Variants in ELOVL5 observed in about 807,000 individuals in gnomAD.
The protein encoded by ELOVL5 is very long chain fatty acid elongase 5.
In ELOVL5, 8 loss-of-function variants were observed where a neutral mutation model predicts 38.6. That is an observed-to-expected ratio of 0.21 (90% confidence interval 0.12 to 0.37). ELOVL5 has a LOEUF of 0.37. ELOVL5 is among the 10% of genes least tolerant of loss of function. The probability of loss-of-function intolerance (pLI) is 1.00; values close to 1 mark genes in which losing one functional copy is unlikely to be tolerated. For synonymous variants in ELOVL5, 127 were observed against 133.7 expected (o/e 0.95, Z 0.34); for missense variants, 280 against 367.8 (o/e 0.76, Z 1.95).
At chr6:53,289,326 C>T (rs1219838665) in intron 3 of ELOVL5, among the ~76,000 whole-genome samples, 1 of 152,170 alleles carries the variant, frequency 6.6e-6, no homozygotes, top group Non-Finnish European at 1.5e-5. Flanking sequence ...AAATGAGGGG[C>T]CCCATGGGGC....
At chr6:53,329,660 C>T (rs1768701725) in intron 1 of ELOVL5, among the ~76,000 whole-genome samples, 1 of 152,028 alleles carries the variant, frequency 6.6e-6, no homozygotes, top group Non-Finnish European at 1.5e-5. Context: ...CCCGTCTCTA[C>T]TAAAAATAGA....
At chr6:53,312,336 A>G (rs768027383) in intron 1 of ELOVL5, among the ~76,000 whole-genome samples, 3 of 152,244 alleles carry the variant, frequency 2.0e-5, no homozygotes, top group Non-Finnish European at 4.4e-5. Flanking sequence ...AAACCATGGT[A>G]TATCCACACC....
intron 3 of ELOVL5, among the ~76,000 whole-genome samples, chr6:53,281,929 CT>C (rs1342951299): frequency 1.3e-5 from 2 of 151,868 alleles, no homozygotes; most frequent in East Asian, 1.9e-4. Flanking sequence ...CTTGAGAAGT[CT>C]TTAAAACAAA....
At chr6:53,295,805 T>C in intron 1 of ELOVL5, 98 bp from the exon 2 acceptor site, 1 of 750,200 alleles carries the variant, frequency 1.3e-6, no homozygotes, top group Non-Finnish European at 2.1e-6. Context: ...AAGAATATGC[T>C]ACAGACAAGG....
At chr6:53,330,768 T>C (rs1387813276) in intron 1 of ELOVL5, among the ~76,000 whole-genome samples, 3 of 152,108 alleles carry the variant, frequency 2.0e-5, no homozygotes, top group African/African-American at 7.2e-5. Context: ...ATAAAAATTA[T>C]TTTCTTTATA....
chr6:53,277,924 A>G (rs1766202457), intron 3 of ELOVL5, among the ~76,000 whole-genome samples: 1 of 152,236 alleles, frequency 6.6e-6, no homozygotes, highest in Non-Finnish European at 1.5e-5. Context: ...GCTTGAGGGT[A>G]CAGAAAGGAA....
intron 7 of ELOVL5, among the ~76,000 whole-genome samples, chr6:53,269,870 CT>C (rs1387256287): frequency 6.6e-6 from 1 of 152,204 alleles, no homozygotes; most frequent in Non-Finnish European, 1.5e-5. Context: ...CACACAGGTG[CT>C]TGTGGGCACA....
At chr6:53,324,059 C>G (rs139284909) in intron 1 of ELOVL5, among the ~76,000 whole-genome samples, 1 of 151,924 alleles carries the variant, frequency 6.6e-6, no homozygotes, top group East Asian at 1.9e-4. Flanking sequence ...TCAAGACCAG[C>G]CTGGTCAACA....
intron 3 of ELOVL5, among the ~76,000 whole-genome samples, chr6:53,281,279 G>A (rs1189635342): frequency 6.6e-6 from 1 of 152,182 alleles, no homozygotes; most frequent in Non-Finnish European, 1.5e-5. Context: ...AGGACCTAAG[G>A]TGCTTTTCTA....
chr6:53,304,105 CG>C (rs1441504651), intron 1 of ELOVL5, among the ~76,000 whole-genome samples: 1 of 152,168 alleles, frequency 6.6e-6, no homozygotes, highest in African/African-American at 2.4e-5. Flanking sequence ...AACTCTTTAA[CG>C]GCAAGTACTC....
intron 2 of ELOVL5, 69 bp from the exon 3 acceptor site, chr6:53,292,032 T>G: frequency 9.4e-7 from 1 of 1,069,240 alleles, no homozygotes; most frequent in East Asian, 2.7e-5. Flanking sequence ...AAAAAATTTC[T>G]CTAACCATGA....
chr6:53,344,870 T>A (rs1426177344), intron 1 of ELOVL5, among the ~76,000 whole-genome samples: 1 of 152,232 alleles, frequency 6.6e-6, no homozygotes, highest in Non-Finnish European at 1.5e-5. Flanking sequence ...CTCCTATTCC[T>A]GCCTATCAAC....
intron 3 of ELOVL5, chr6:53,288,014 A>G (rs1766638768): frequency 2.3e-6 from 3 of 1,280,836 alleles, no homozygotes; most frequent in South Asian, 1.3e-5. Flanking sequence ...AGAAGAGTAG[A>G]CACATTGAAT....
chr6:53,269,077 T>C lies in ELOVL5; in HGVS notation c.*50A>G, dbSNP rs756575743. 3 of 1,600,146 alleles carry C rather than the reference T, an allele frequency of 1.9e-6. No homozygotes were observed. Among genetic ancestry groups the C allele is most frequent in the Admixed American group, 1.7e-5 (1 of 58,958 alleles). Reference sequence around the variant, plus strand: ...AACGAGCATTGGGGCACAACTCATATTGTGCTTACAATCAGATGACGTGGT... The same window carrying C: ...AACGAGCATTGGGGCACAACTCATACTGTGCTTACAATCAGATGACGTGGT... On this transcript the variant is annotated 3_prime_UTR_variant, in exon 8 of 8. Transcript: ENST00000304434.
At chr6:53,305,484 C>T (rs1246040468) in intron 1 of ELOVL5, among the ~76,000 whole-genome samples, 10 of 145,484 alleles carry the variant, frequency 6.9e-5, no homozygotes, top group African/African-American at 1.8e-4. Context: ...ACTTCTCAGA[C>T]GGGGCAGTTG....
rs1165037655 is a variant in ELOVL5, at chr6:53,348,879, G to A, written c.-71C>T. On this transcript the variant is annotated 5_prime_UTR_variant, in exon 1 of 8. Transcript: ENST00000304434. ...GCAAGGCGGCGGCGGCGGAGGGAGC[G>A]CGGGTGGCAGCCGGCGCAGAGGCGG... is the stretch of plus-strand genomic sequence containing the variant. 2.2e-6 allele frequency: 1 copy of A among 455,466 alleles called. No homozygotes were observed. 28.2% of individuals were successfully genotyped at this position (455,466 alleles called of 1,614,324 possible).
At chr6:53,292,104 C>T (rs1467658591) in intron 2 of ELOVL5, 141 bp from the exon 3 acceptor site, 1 of 508,816 alleles carries the variant, frequency 2.0e-6, no homozygotes, top group African/African-American at 2.0e-5. Context: ...GGAGAGGAGG[C>T]ATGGATTTTC....
chr6:53,270,408 G>C (rs1765876141), intron 7 of ELOVL5, among the ~76,000 whole-genome samples, 185 bp downstream of exon 7: 1 of 152,166 alleles, frequency 6.6e-6, no homozygotes. Flanking sequence ...TCTAGAACAG[G>C]ATTCTAGTGT....
chr6:53,316,060 G>A (rs1234978501), intron 1 of ELOVL5, among the ~76,000 whole-genome samples: 1 of 152,232 alleles, frequency 6.6e-6, no homozygotes, highest in Admixed American at 6.5e-5. Flanking sequence ...TGGAGTTGCT[G>A]TGAGGATTAA....
Sources: gnomAD v4.1 joint callset for allele counts (sites outside exome capture counted in the v4.1 genomes callset) on GRCh38, gnomAD v4.1.1 for gene constraint, MANE v1.5 for transcripts, NCBI Gene and HGNC (gene_info 2026-07-23, HGNC 2026-07-21) for gene names.